Variants in BDNF observed in about 807,000 individuals in gnomAD.
BDNF encodes the protein neurotrophic factor BDNF precursor form.
Under a neutral mutation model 19.5 loss-of-function variants are expected in BDNF, and 1 was observed. The observed-to-expected ratio is 0.05, with a 90% CI of 0.02 to 0.24. The LOEUF (loss-of-function observed/expected upper bound fraction) is 0.24. Ranked by LOEUF, BDNF falls within the 10% of genes least tolerant of loss-of-function variation. The pLI is 1.00. For missense variants in BDNF, 195 were observed against 317.6 expected, an observed-to-expected ratio of 0.61 and a Z score of 2.93; for synonymous variants, 100 against 121.6, an observed-to-expected ratio of 0.82 and a Z score of 1.17.
Position 27,680,049 on chromosome 11 carries a change from T to G in BDNF, c.-22+20115A>C, listed in dbSNP as rs1338906903. 2.6e-5 allele frequency among the ~76,000 whole-genome samples: 4 copies of G among 152,372 alleles called. No homozygotes were observed. The East Asian group carries it at 7.7e-4, about 29-fold the overall frequency. On this transcript the variant is annotated intron_variant, in intron 1 of 1. Coordinates refer to ENST00000356660, the MANE Select transcript of BDNF (RefSeq NM_001709.5). ...TCTTTTGGATGTCAACTTGTCAAAC[T>G]TGCAGTTTAGATGAGTGTGATGTAG... is the stretch of plus-strand genomic sequence containing the variant.
chr11:27,697,701 A>C (rs772934755), intron 1 of BDNF: 5 of 152,166 alleles, frequency 3.3e-5, no homozygotes, highest in African/African-American at 1.2e-4. Flanking sequence ...TAAATGCTTC[A>C]TTTTCTGGAT....
At chr11:27,659,932 A>G (rs1403710326) in intron 1 of BDNF, among the ~76,000 whole-genome samples, 2 of 152,232 alleles carry the variant, frequency 1.3e-5, no homozygotes, top group African/African-American at 2.4e-5. Context: ...GGTTACCGTC[A>G]GGTGGTGAAG....
intron 1 of BDNF, among the ~76,000 whole-genome samples, chr11:27,664,146 A>G (rs1340421036): frequency 6.6e-6 from 1 of 152,208 alleles, no homozygotes; most frequent in Non-Finnish European, 1.5e-5. Context: ...AGTCCTATAA[A>G]GATAATGGTA....
intron 1 of BDNF, among the ~76,000 whole-genome samples, chr11:27,670,915 C>T (rs1232199222): frequency 6.6e-6 from 1 of 152,056 alleles, no homozygotes; most frequent in East Asian, 1.9e-4. Context: ...GGGTATATAC[C>T]CAGAGGATTA....
At chr11:27,706,530 T>C (rs551022320) in intron 1 of BDNF, among the ~76,000 whole-genome samples, 151 of 152,344 alleles carry the variant, frequency 9.9e-4, no homozygotes, top group African/African-American at 3.2e-3. Context: ...CCTTATGTTA[T>C]TAAGTCACCA....
At position 27,711,703 on chromosome 11, in the gene BDNF, A is replaced by C. The variant is rs560789201; in HGVS notation, c.3+9709T>G. Among the ~76,000 whole-genome samples the C allele has an allele frequency of 9.2e-5, 14 of 152,352 alleles. No individual in the cohort carries two copies. The South Asian group carries it at 2.5e-3, about 27-fold the overall frequency. ...AAATTCTCTGAGCTCTAGTTTTCTT[A>C]ATCTATCTCTGAGAGTTACTTTAAG... On this transcript the variant is annotated intron_variant, in intron 1 of 1. Coordinates refer to the BDNF transcript ENST00000314915.
intron 1 of BDNF, among the ~76,000 whole-genome samples, chr11:27,713,694 A>C (rs1860421306): frequency 6.6e-6 from 1 of 152,196 alleles, no homozygotes. Context: ...TTCTGCCGCT[A>C]TTTAGGAAAA....
intron 1 of BDNF, among the ~76,000 whole-genome samples, chr11:27,718,362 C>CG (rs1554950432): frequency 1.4e-5 from 2 of 145,086 alleles, no homozygotes; most frequent in African/African-American, 2.5e-5. Context: ...CCACCCCCCC[C>CG]CGCCCCTCCC....
chr11:27,721,716 T>C (rs1487290242), exon 1 of BDNF: 4 of 503,308 alleles, frequency 7.9e-6, no homozygotes, highest in African/African-American at 1.9e-5. Flanking sequence ...TCTTACGTGA[T>C]TCTAATGAAT....
chr11:27,700,430 G>A lies in BDNF; in HGVS notation c.-288C>T, dbSNP rs912269212. 17 of 985,328 alleles carry A rather than the reference G, an allele frequency of 1.7e-5. No homozygotes were observed. The highest frequency in any genetic ancestry group is 1.8e-5 in the Non-Finnish European group (15 of 829,942). 61.0% of individuals were successfully genotyped at this position (985,328 alleles called of 1,614,324 possible). On this transcript the variant is annotated 5_prime_UTR_variant, in exon 1 of 2. It adds an upstream start codon to the 5' untranslated region. Transcript: ENST00000356660. Reference sequence around the variant, plus strand: ...TGCGCCCGGGCGCGGCGGCGGCAGCGTCGGGGACCCGGAGCTCCAGGCTGC... The same window carrying A: ...TGCGCCCGGGCGCGGCGGCGGCAGCATCGGGGACCCGGAGCTCCAGGCTGC...
chr11:27,662,277 G>T (rs949886256), intron 1 of BDNF, among the ~76,000 whole-genome samples: 1 of 152,320 alleles, frequency 6.6e-6, no homozygotes, highest in Admixed American at 6.5e-5. Context: ...CAGCTGAAAG[G>T]TAAGTTCTTT....
At chr11:27,659,730 G>A in intron 1 of BDNF, 1 of 943,574 alleles carries the variant, frequency 1.1e-6, no homozygotes, top group Non-Finnish European at 1.3e-6. Context: ...GGAATAGGCA[G>A]CTAGTGCTTC....
chr11:27,656,957 AG>A lies in BDNF; in HGVS notation c.*863del, dbSNP rs557827513. The A allele has an allele frequency of 6.1e-6, 6 of 984,904 alleles. No individual in the cohort carries two copies. The highest frequency in any genetic ancestry group is 7.2e-6 in the Non-Finnish European group (6 of 829,858). 61.0% of individuals were successfully genotyped at this position (984,904 alleles called of 1,614,324 possible). A position where few individuals can be genotyped will look rare whatever the true frequency, so the allele number is the denominator to read the frequency against. On this transcript the variant is annotated 3_prime_UTR_variant, in exon 2 of 2. Transcript: ENST00000356660. ...AAAACAAAGAGGAGACCAGAGGGGG[AG>A]GGGGGGAAAGAATGTGTTCTGAGCA...
chr11:27,702,847 A>G (rs900963409), upstream of BDNF, among the ~76,000 whole-genome samples: 1 of 152,208 alleles, frequency 6.6e-6, no homozygotes, highest in Non-Finnish European at 1.5e-5. Context: ...CAGGGACAAG[A>G]CTTCAGTGAA....
Position 27,719,566 on chromosome 11 carries a change from TC to T in BDNF, c.3+1845del, listed in dbSNP as rs1399558308. ...GGGAGCGGAGCGCGGTCTCGGCAGC[TC>T]CCCTTCCCTTGAGAAAGCGGGAACC... On this transcript the variant is annotated intron_variant, in intron 1 of 1. Coordinates refer to the BDNF transcript ENST00000314915. 1.0e-5 allele frequency: 10 copies of T among 982,254 alleles called. No homozygotes were observed. The African/African-American group carries it at 1.6e-4, about 16-fold the overall frequency. 60.8% of individuals were successfully genotyped at this position (982,254 alleles called of 1,614,324 possible). A position where few individuals can be genotyped will look rare whatever the true frequency, so the allele number is the denominator to read the frequency against.
At chr11:27,660,810 T>A (rs1374677636) in intron 1 of BDNF, among the ~76,000 whole-genome samples, 1 of 151,396 alleles carries the variant, frequency 6.6e-6, no homozygotes, top group African/African-American at 2.4e-5. Context: ...TATAGTTTAA[T>A]ACATATTTAC....
chr11:27,677,523 G>C (rs1467991718), intron 1 of BDNF: 1 of 135,598 alleles, frequency 7.4e-6, no homozygotes, highest in Non-Finnish European at 1.6e-5. Context: ...GCGACAGAGC[G>C]AGACTCCGTC....
At chr11:27,673,477 TGAC>T (rs1855680499) in intron 1 of BDNF, among the ~76,000 whole-genome samples, 1 of 152,212 alleles carries the variant, frequency 6.6e-6, no homozygotes, top group Non-Finnish European at 1.5e-5. Context: ...TCTTCAGAAT[TGAC>T]GACTTTAATC....
chr11:27,697,031 T>G (rs1422504282), intron 1 of BDNF, among the ~76,000 whole-genome samples: 1 of 152,144 alleles, frequency 6.6e-6, no homozygotes, highest in East Asian at 1.9e-4. Flanking sequence ...TCTGTAAATT[T>G]CCTTAAGAGT....
Sources: gnomAD v4.1 joint callset for allele counts (sites outside exome capture counted in the v4.1 genomes callset) on GRCh38, gnomAD v4.1.1 for gene constraint, MANE v1.5 for transcripts, NCBI Gene and HGNC (gene_info 2026-07-23, HGNC 2026-07-21) for gene names.